Variants in SLC25A13 observed in about 807,000 individuals in gnomAD.
The protein encoded by SLC25A13 is electrogenic aspartate/glutamate antiporter SLC25A13, mitochondrial.
Under a neutral mutation model 85.5 loss-of-function variants are expected in SLC25A13, and 70 were observed. The observed-to-expected ratio is 0.82, with a 90% confidence interval of 0.68 to 1.00. The LOEUF (loss-of-function observed/expected upper bound fraction) is 1.00. SLC25A13 is among the 50% of genes least tolerant of loss of function. SLC25A13 has a pLI of 0.00. For synonymous variants in SLC25A13, 259 were observed against 288.7 expected (o/e 0.90, Z 1.04); for missense variants, 765 against 819.8 (o/e 0.93, Z 0.82).
chr7:96,253,052 C>CCACT (rs1262375947), intron 3 of SLC25A13, among the ~76,000 whole-genome samples: 2 of 152,176 alleles, frequency 1.3e-5, no homozygotes, highest in African/African-American at 4.8e-5. Flanking sequence ...TGAGATCATG[C>CCACT]CACTGCACTC....
At chr7:96,278,454 G>A (rs1199215508) in intron 2 of SLC25A13, among the ~76,000 whole-genome samples, 2 of 152,190 alleles carry the variant, frequency 1.3e-5, no homozygotes, top group Non-Finnish European at 2.9e-5. Context: ...CTAAGGCTTT[G>A]CTCAGATACT....
chr7:96,263,859 T>C (rs905466224), intron 3 of SLC25A13, among the ~76,000 whole-genome samples: 1 of 152,100 alleles, frequency 6.6e-6, no homozygotes, highest in African/African-American at 2.4e-5. Flanking sequence ...AAAACTCCTT[T>C]TTCTCAATTT....
rs778674687 is a variant in SLC25A13 at position 96,276,707 on chromosome 7, G to A, written c.212+489C>T. Among the ~76,000 whole-genome samples, 10 of 152,220 alleles carry A rather than the reference G, an allele frequency of 6.6e-5. No homozygotes were observed. The South Asian group carries it at 1.9e-3, about 28-fold the overall frequency. On this transcript the variant is annotated intron_variant, in intron 3 of 17. Coordinates refer to ENST00000265631, the MANE Select transcript of SLC25A13 (RefSeq NM_014251.3). Reference sequence around the variant, plus strand: ...AAAGAATCCAAAGGCATTCTGCAACGTGTCCTATTTGATTCTATATGGTAC... The same window carrying A: ...AAAGAATCCAAAGGCATTCTGCAACATGTCCTATTTGATTCTATATGGTAC...
chr7:96,151,699 T>C (rs1268981763), intron 13 of SLC25A13, among the ~76,000 whole-genome samples: 2 of 152,014 alleles, frequency 1.3e-5, no homozygotes, highest in Non-Finnish European at 2.9e-5. Flanking sequence ...TCCCAGCACT[T>C]TGGGAGGTCA....
chr7:96,190,682 G>A (rs184355672), intron 7 of SLC25A13, among the ~76,000 whole-genome samples: 7 of 151,944 alleles, frequency 4.6e-5, no homozygotes, highest in East Asian at 1.9e-4. Context: ...GCGTGATCTC[G>A]GCTCACTGCA....
intron 15 of SLC25A13, among the ~76,000 whole-genome samples, chr7:96,123,481 C>CT (rs1403121952): frequency 6.6e-6 from 1 of 152,130 alleles, no homozygotes; most frequent in African/African-American, 2.4e-5. Context: ...TTCCCTTTGG[C>CT]TAGGGTAATT....
chr7:96,302,407 T>C (rs1584595637), intron 1 of SLC25A13, among the ~76,000 whole-genome samples: 1 of 152,198 alleles, frequency 6.6e-6, no homozygotes, highest in South Asian at 2.1e-4. Flanking sequence ...TGCAGGCTCA[T>C]TACTTTAACA....
chr7:96,291,038 T>C (rs1298976570), intron 2 of SLC25A13, among the ~76,000 whole-genome samples: 1 of 151,810 alleles, frequency 6.6e-6, no homozygotes, highest in African/African-American at 2.4e-5. Flanking sequence ...AGTAAAGCCC[T>C]CTTCAGCAAA....
intron 1 of SLC25A13, among the ~76,000 whole-genome samples, chr7:96,300,880 C>T (rs1402908315): frequency 1.3e-5 from 2 of 152,196 alleles, no homozygotes; most frequent in South Asian, 2.1e-4. Context: ...TATTATTCAC[C>T]AGTCAAATGC....
At chr7:96,234,680 A>AG in intron 4 of SLC25A13, 122 bp downstream of exon 4, 1 of 702,868 alleles carries the variant, frequency 1.4e-6, no homozygotes, top group Non-Finnish European at 2.4e-6. Flanking sequence ...CTTTACTAAA[A>AG]GGGATATACT....
At position 96,138,153 on chromosome 7, in the gene SLC25A13, GAA is replaced by G. The variant is rs1300148415; in HGVS notation, c.1453-6274_1453-6273del. Among the ~76,000 whole-genome samples the G allele has an allele frequency of 3.3e-5, 5 of 152,226 alleles. No individual in the cohort carries two copies. In the East Asian group the frequency reaches 5.8e-4, roughly 18 times the overall value. On this transcript the variant is annotated intron_variant, in intron 14 of 17. Transcript: ENST00000265631. ...TTTACAGGGTATACAAGTCTAGGTTGAAAAGTTTTTTTCCTCCACATACTGAA... is the reference window on the plus strand; with the variant it reads ...TTTACAGGGTATACAAGTCTAGGTTGAAGTTTTTTTCCTCCACATACTGAA...
At chr7:96,159,263 C>T (rs2116532220) in intron 13 of SLC25A13, among the ~76,000 whole-genome samples, 1 of 152,286 alleles carries the variant, frequency 6.6e-6, no homozygotes, top group South Asian at 2.1e-4. Context: ...TAAACCCTAG[C>T]ATTAGGGCTG....
chr7:96,184,168 T>G (rs1794531552), intron 11 of SLC25A13, 109 bp downstream of exon 11: 1 of 1,352,310 alleles, frequency 7.4e-7, no homozygotes, highest in African/African-American at 1.4e-5. Context: ...GAAAATCTGC[T>G]GTATTTCCAT....
intron 9 of SLC25A13, 54 bp from the exon 10 acceptor site, chr7:96,185,065 G>A: frequency 4.1e-6 from 6 of 1,447,954 alleles, no homozygotes; most frequent in Admixed American, 3.9e-5. Flanking sequence ...CAGAAAAGAA[G>A]ATAAAACAAA....
intron 4 of SLC25A13, among the ~76,000 whole-genome samples, chr7:96,210,072 T>TA (rs1795631534): frequency 6.6e-6 from 1 of 152,164 alleles, no homozygotes; most frequent in African/African-American, 2.4e-5. Context: ...CCACCCCCAT[T>TA]ATACCCACAG....
intron 2 of SLC25A13, among the ~76,000 whole-genome samples, chr7:96,285,995 C>G (rs1342619846): frequency 1.3e-5 from 2 of 152,132 alleles, no homozygotes; most frequent in East Asian, 3.9e-4. Flanking sequence ...AAGAAAACAT[C>G]TGTCGTTGGC....
intron 13 of SLC25A13, among the ~76,000 whole-genome samples, chr7:96,158,652 T>C (rs1793381475): frequency 1.3e-5 from 2 of 152,340 alleles, no homozygotes; most frequent in South Asian, 4.1e-4. Context: ...CTTACACGTG[T>C]CAAAAATAGA....
intron 3 of SLC25A13, among the ~76,000 whole-genome samples, chr7:96,249,737 A>G (rs2116862171): frequency 6.6e-6 from 1 of 152,262 alleles, no homozygotes; most frequent in African/African-American, 2.4e-5. Context: ...GGAGTACTTT[A>G]TATTTTTGCA....
chr7:96,199,585 G>A (rs749161359), intron 5 of SLC25A13, among the ~76,000 whole-genome samples: 11 of 152,120 alleles, frequency 7.2e-5, no homozygotes, highest in Non-Finnish European at 1.5e-4. Flanking sequence ...CCAAGAGCAG[G>A]AGTTCTGCAG....
Sources: allele counts gnomAD v4.1 joint callset (sites outside exome capture counted in the v4.1 genomes callset), GRCh38; gene constraint gnomAD v4.1.1; transcripts MANE v1.5; gene names NCBI Gene and HGNC (gene_info 2026-07-23, HGNC 2026-07-21).